Variants in RAD51B observed in about 807,000 individuals in gnomAD.
RAD51B encodes RAD51 paralog B, also known as DNA repair protein RAD51 homolog 2.
In RAD51B, 38 loss-of-function variants were observed where a neutral mutation model predicts 42.2. That is an observed-to-expected ratio of 0.90 (90% CI 0.70 to 1.18). The LOEUF (loss-of-function observed/expected upper bound fraction) is 1.18. Among genes scored for constraint, RAD51B ranks in the 50% most tolerant of loss-of-function variants. The probability of loss-of-function intolerance (pLI) is 0.00; values close to 1 mark genes in which losing one functional copy is unlikely to be tolerated. For missense variants in RAD51B, 373 were observed against 400.7 expected (o/e 0.93, Z 0.59); for synonymous variants, 154 against 145.2 (o/e 1.06, Z -0.43).
At chr14:67,857,551 A>G (rs1023591873) in intron 4 of RAD51B, among the ~76,000 whole-genome samples, 14 of 152,242 alleles carry the variant, frequency 9.2e-5, no homozygotes, top group African/African-American at 2.7e-4. Flanking sequence ...ATTTCCAAAT[A>G]TATCATCTTA....
chr14:67,978,195 A>AT (rs982520984), intron 7 of RAD51B, among the ~76,000 whole-genome samples: 27 of 151,510 alleles, frequency 1.8e-4, no homozygotes, highest in South Asian at 4.2e-4. Flanking sequence ...TATAAAAAAG[A>AT]TTTTTTTTTA....
At chr14:68,622,723 C>CAAAAAAAAA (rs34816047) in intron 10 of RAD51B, among the ~76,000 whole-genome samples, 2 of 115,454 alleles carry the variant, frequency 1.7e-5, no homozygotes, top group Non-Finnish European at 1.8e-5. Flanking sequence ...TATCCATTTA[C>CAAAAAAAAA]AAAAAAAAAA....
At chr14:68,669,297 G>A (rs538421651) in intron 11 of RAD51B, among the ~76,000 whole-genome samples, 51 of 152,270 alleles carry the variant, frequency 3.3e-4, no homozygotes, top group Non-Finnish European at 5.0e-4. Flanking sequence ...AAATATGTAG[G>A]CCCCCTGAGG....
At chr14:68,271,238 G>A (rs2081098694) in intron 7 of RAD51B, among the ~76,000 whole-genome samples, 1 of 152,086 alleles carries the variant, frequency 6.6e-6, no homozygotes, top group Non-Finnish European at 1.5e-5. Context: ...TATTCACATT[G>A]TATCCCAAGT....
At chr14:67,912,398 C>T (rs989542523) in intron 7 of RAD51B, among the ~76,000 whole-genome samples, 23 of 152,140 alleles carry the variant, frequency 1.5e-4, no homozygotes, top group Admixed American at 6.5e-4. Context: ...AAATATGTCT[C>T]TAATCCCTGT....
chr14:68,168,051 G>C (rs1241980938), intron 7 of RAD51B, among the ~76,000 whole-genome samples: 1 of 152,118 alleles, frequency 6.6e-6, no homozygotes, highest in Non-Finnish European at 1.5e-5. Flanking sequence ...AGCTGTGAGA[G>C]TTTGGAAGTG....
At chr14:68,320,889 G>A (rs1380675089) in intron 8 of RAD51B, among the ~76,000 whole-genome samples, 1 of 152,178 alleles carries the variant, frequency 6.6e-6, no homozygotes, top group Non-Finnish European at 1.5e-5. Flanking sequence ...GTCTGGAAGA[G>A]TTGTTTTCAT....
chr14:68,563,291 G>A (rs1205289308), intron 10 of RAD51B: 2 of 985,300 alleles, frequency 2.0e-6, no homozygotes, highest in African/African-American at 1.7e-5. Context: ...AGCCGAGCCT[G>A]CAATGGGCTT....
At chr14:68,682,022 AC>A (rs1255453193) in intron 11 of RAD51B, among the ~76,000 whole-genome samples, 2 of 152,148 alleles carry the variant, frequency 1.3e-5, no homozygotes, top group African/African-American at 4.8e-5. Context: ...TATCCATGTA[AC>A]CAAAAACCAC....
chr14:68,675,206 C>T (rs1893278927), intron 11 of RAD51B, among the ~76,000 whole-genome samples: 1 of 152,144 alleles, frequency 6.6e-6, no homozygotes, highest in Non-Finnish European at 1.5e-5. Flanking sequence ...ATCTCAGGGA[C>T]TAGGGTGTCA....
At chr14:68,616,364 C>T (rs1235779585), downstream of RAD51B, among the ~76,000 whole-genome samples, 2 of 152,216 alleles carry the variant, frequency 1.3e-5, no homozygotes, top group East Asian at 1.9e-4. Context: ...TCGCTGGATA[C>T]AGAATTTGAT....
At chr14:68,407,273 T>C (rs2084302752) in intron 8 of RAD51B, among the ~76,000 whole-genome samples, 1 of 152,220 alleles carries the variant, frequency 6.6e-6, no homozygotes. Flanking sequence ...ATAACTGGTT[T>C]TTGTATTTAC....
downstream of RAD51B, among the ~76,000 whole-genome samples, chr14:68,480,493 C>T (rs1314099181): frequency 6.6e-6 from 1 of 152,126 alleles, no homozygotes; most frequent in African/African-American, 2.4e-5. Flanking sequence ...CTGAGACACC[C>T]CACTCATTCT....
At position 68,500,109 on chromosome 14, in the gene RAD51B, C is replaced by T. The variant is rs535909753; in HGVS notation, c.1036+31859C>T. 2.0e-5 allele frequency among the ~76,000 whole-genome samples: 3 copies of T among 152,288 alleles called. No individual in the cohort carries two copies. In the South Asian group the frequency reaches 6.2e-4, roughly 32 times the overall value. On this transcript the variant is annotated intron_variant, in intron 10 of 10. Coordinates refer to the RAD51B transcript ENST00000487270. ...CCCTCTTGCGTTCCTCATACATTAACTTCTCATGGCAGAGATCGGAGCTCA... is the reference window on the plus strand; with the variant it reads ...CCCTCTTGCGTTCCTCATACATTAATTTCTCATGGCAGAGATCGGAGCTCA...
intron 7 of RAD51B, among the ~76,000 whole-genome samples, chr14:68,142,399 A>T (rs2078147409): frequency 6.6e-6 from 1 of 152,220 alleles, no homozygotes; most frequent in South Asian, 2.1e-4. Context: ...TGGCAAAAAA[A>T]GTTATGAAAT....
chr14:68,529,891 T>C (rs889700096), intron 10 of RAD51B, among the ~76,000 whole-genome samples: 3 of 152,000 alleles, frequency 2.0e-5, no homozygotes, highest in Non-Finnish European at 4.4e-5. Context: ...AAAAGGATAT[T>C]GTGAAATAAA....
intron 10 of RAD51B, among the ~76,000 whole-genome samples, chr14:68,475,799 T>C (rs1882532411): frequency 6.6e-6 from 1 of 152,230 alleles, no homozygotes; most frequent in Non-Finnish European, 1.5e-5. Flanking sequence ...TTTTAGAACC[T>C]GGAAGCCACT....
rs183255351 is a variant in RAD51B, at chr14:68,042,147, T to C, written c.756+154943T>C. Reference sequence around the variant, plus strand: ...CTTTGAATTTTATGTCTGCAGAGTTTCTAAACACTGCACCTGGCTCATACA... The same window carrying C: ...CTTTGAATTTTATGTCTGCAGAGTTCCTAAACACTGCACCTGGCTCATACA... On this transcript the variant is annotated intron_variant, in intron 7 of 10. Coordinates refer to ENST00000471583, the MANE Select transcript of RAD51B (RefSeq NM_133510.4). 1.1e-4 allele frequency among the ~76,000 whole-genome samples: 17 copies of C among 152,332 alleles called. No individual in the cohort carries two copies. The East Asian group carries it at 3.1e-3, about 28-fold the overall frequency.
chr14:68,098,749 C>G (rs1224934240), intron 7 of RAD51B, among the ~76,000 whole-genome samples: 1 of 152,078 alleles, frequency 6.6e-6, no homozygotes, highest in Non-Finnish European at 1.5e-5. Flanking sequence ...GGTGGGGATA[C>G]AGAGCTAAAC....
Sources: allele counts gnomAD v4.1 joint callset (sites outside exome capture counted in the v4.1 genomes callset), GRCh38; gene constraint gnomAD v4.1.1; transcripts MANE v1.5; gene names NCBI Gene and HGNC (gene_info 2026-07-23, HGNC 2026-07-21).